MYH7: variants seen among roughly 807,000 people sequenced by gnomAD.
MYH7 encodes the protein myosin heavy chain 7.
MYH7 carries 129 observed loss-of-function variants against 225.4 expected under a neutral mutation model. That is an observed-to-expected ratio of 0.57 (90% CI 0.50 to 0.66). MYH7 has a LOEUF of 0.66. Ranked by LOEUF, MYH7 falls within the 30% of genes least tolerant of loss-of-function variation. The pLI, the probability that MYH7 is intolerant of heterozygous loss-of-function variation, is 0.00. For missense variants in MYH7, 1,649 were observed against 2,517.0 expected (o/e 0.66, Z 7.38); for synonymous variants, 971 against 1,007.6 (o/e 0.96, Z 0.69).
rs776423914 is a variant in MYH7 at position 23,427,231 on chromosome 14, C to T, written c.1956+9G>A. On this transcript the variant is annotated intron_variant, in intron 17 of 39. Coordinates refer to ENST00000355349, the MANE Select transcript of MYH7 (RefSeq NM_000257.4). ...GGAGCCAAGTTGGCTGGGGCTGTGT[C>T]CCACTCACCCTGTGCAGAGCTGACA... is the stretch of plus-strand genomic sequence containing the variant. 1 of 1,613,350 alleles carries T rather than the reference C, an allele frequency of 6.2e-7. No individual in the cohort carries two copies. The highest frequency in any genetic ancestry group is 2.2e-5 in the East Asian group (1 of 44,862).
chr14:23,428,023 TAC>T (rs1892765273), intron 15 of MYH7, 129 bp from the exon 16 acceptor site: 4 of 1,148,026 alleles, frequency 3.5e-6, no homozygotes, highest in Non-Finnish European at 5.0e-6. Flanking sequence ...CAGCTCTGAG[TAC>T]AGTTATCTAC....
At chr14:23,423,509 A>G (rs1254526832) in intron 24 of MYH7, 38 bp downstream of exon 24, 1 of 1,608,620 alleles carries the variant, frequency 6.2e-7, no homozygotes, top group South Asian at 1.1e-5. Context: ...ACAGATAGAC[A>G]TGGCATATCT....
chr14:23,418,954 C>G (rs1223809965), intron 29 of MYH7, among the ~76,000 whole-genome samples: 1 of 152,188 alleles, frequency 6.6e-6, no homozygotes, highest in Non-Finnish European at 1.5e-5. Context: ...TTTCTCTCCT[C>G]CTTCTCACAC....
At position 23,428,709 on chromosome 14, in the gene MYH7, G is replaced by T. The variant is rs905876234; in HGVS notation, c.1408-39C>A. On this transcript the variant is annotated intron_variant, in intron 14 of 39. Coordinates refer to ENST00000355349, the MANE Select transcript of MYH7 (RefSeq NM_000257.4). ...GAGGGGTGGGAGCAGTCAGAAAGTG[G>T]GTGTGAGTGGCCATTGGGGCTGTGC... 3 of 1,613,250 alleles carry T rather than the reference G, an allele frequency of 1.9e-6. No individual in the cohort carries two copies. The African/African-American group carries it at 4.0e-5, about 22-fold the overall frequency.
At chr14:23,434,580 G>T (rs1211663832) in intron 1 of MYH7, among the ~76,000 whole-genome samples, 2 of 152,040 alleles carry the variant, frequency 1.3e-5, no homozygotes, top group African/African-American at 4.8e-5. Context: ...CATTTGTTCG[G>T]CACTTTCCAG....
At position 23,417,886 on chromosome 14, in the gene MYH7, T is replaced by C; in HGVS notation, c.4170-200A>G. 2 of 901,628 alleles carry C rather than the reference T, an allele frequency of 2.2e-6. 1 individual carries two copies. The highest frequency in any genetic ancestry group is 3.7e-6 in the Non-Finnish European group (2 of 540,344). 55.9% of individuals were successfully genotyped at this position (901,628 alleles called of 1,614,324 possible). On this transcript the variant is annotated intron_variant, in intron 30 of 39. Transcript: ENST00000355349. Reference sequence around the variant, plus strand: ...TGGAGACCCAGGCACCCTCTGACCCTGGCCCAGCCTCTGCGCTATGGACAT... The same window carrying C: ...TGGAGACCCAGGCACCCTCTGACCCCGGCCCAGCCTCTGCGCTATGGACAT...
chr14:23,426,157 A>C, intron 18 of MYH7, 76 bp from the exon 19 acceptor site: 2 of 1,507,850 alleles, frequency 1.3e-6, no homozygotes, highest in Non-Finnish European at 1.8e-6. Context: ...TGGCTTTGTC[A>C]CTGATTAGCT....
intron 14 of MYH7, 129 bp from the exon 15 acceptor site, chr14:23,428,799 G>A (rs1205514096): frequency 1.3e-6 from 2 of 1,575,992 alleles, no homozygotes; most frequent in African/African-American, 2.7e-5. Context: ...CAGTGAAGGA[G>A]GGCTTCCCCT....
At chr14:23,413,717 C>G in intron 39 of MYH7, 42 bp downstream of exon 39, 1 of 1,612,568 alleles carries the variant, frequency 6.2e-7, no homozygotes, top group Non-Finnish European at 8.5e-7. Context: ...CTGGGTATGC[C>G]TGCTGTGGGG....
Position 23,417,071 on chromosome 14 carries a change from C to T in MYH7, c.4520-79G>A, listed in dbSNP as rs147064810. On this transcript the variant is annotated intron_variant, in intron 32 of 39. Coordinates refer to ENST00000355349, the MANE Select transcript of MYH7 (RefSeq NM_000257.4). Reference sequence around the variant, plus strand: ...GGAGGGACACGCCTCTTTGCCCAGACGCCTCTTGGAGCCCTTGGGTGGCAC... The same window carrying T: ...GGAGGGACACGCCTCTTTGCCCAGATGCCTCTTGGAGCCCTTGGGTGGCAC... The T allele has an allele frequency of 5.8e-4, 938 of 1,614,058 alleles. 2 individuals are homozygous for T. The African/African-American group carries it at 9.3e-3, about 16-fold the overall frequency.
Position 23,433,165 on chromosome 14 carries a change from C to T in MYH7, c.264G>A (p.Glu88=), listed in dbSNP as rs781757817. The change falls in exon 4 of 40, where the codon GAG becomes GAA. Residue 88 remains glutamate (E), a synonymous_variant. Coordinates refer to ENST00000355349, the MANE Select transcript of MYH7 (RefSeq NM_000257.4). This position sits in a 1 kb window ranked among gnomAD's most constrained non-coding sequence, Gnocchi z 4.1. ...QQNPPKFDKI[E]DMAMLTFLHE... ...GCAGGAAGGTCAGCATGGCCATGTC[C>T]TCGATTTTGTCGAACTTGGGTGGGT... 1.9e-6 allele frequency: 3 copies of T among 1,614,142 alleles called. No individual in the cohort carries two copies. In the Admixed American group the frequency reaches 5.0e-5, roughly 27 times the overall value.
At chr14:23,424,256 T>C in intron 22 of MYH7, 107 bp from the exon 23 acceptor site, 1 of 1,436,058 alleles carries the variant, frequency 7.0e-7, no homozygotes, top group Non-Finnish European at 9.5e-7. Flanking sequence ...AACTCTAGGA[T>C]ATCCCCACTT....
chr14:23,423,672 G>T lies in MYH7; in HGVS notation c.2974C>A (p.Leu992Met), dbSNP rs149840927. 1.9e-6 allele frequency: 3 copies of T among 1,614,070 alleles called. No individual in the cohort carries two copies. The highest frequency in any genetic ancestry group is 2.5e-6 in the Non-Finnish European group (3 of 1,180,010). The change falls in exon 24 of 40, where the codon CTG (leucine) becomes ATG (methionine). Residue 992 changes from leucine to methionine, a missense_variant. By Grantham distance (15) the Leu-to-Met change is conservative. This residue lies in a region of MYH7 where 282 missense variants were observed against 315.3 expected (regional missense o/e 0.89). Transcript: ENST00000355349. The stretch of plus-strand genomic sequence containing the variant: ...TGCAGAGCTTTCTTCTCCTTGGTCA[G>T]CTTGGCAATGATCTCATCCAGCCCA... Reference protein sequence around the residue: ...MAGLDEIIAKLTKEKKALQEA... With the variant: ...MAGLDEIIAKMTKEKKALQEA...
In MYH7 at chr14:23,415,157, T is replaced by C. The variant is rs200374977; in HGVS notation, c.5397A>G (p.Glu1799=). ...CGCCCTTGAGGGCGATCTGCTCGGC[T>C]TCGTCCAGCCGGTGCTGCAGGTCCT... ...TIKDLQHRLD[E]AEQIALKGGK... Residue 1799 remains glutamate, a synonymous_variant, in exon 37 of 40, where the codon GAA becomes GAG. Transcript: ENST00000355349. This position sits in a 1 kb window ranked among gnomAD's most constrained non-coding sequence, Gnocchi z 6.3. 107 of 1,614,084 alleles carry C rather than the reference T, an allele frequency of 6.6e-5. No homozygotes were observed. The highest frequency in any genetic ancestry group is 1.9e-4 in the South Asian group (17 of 91,088).
intron 32 of MYH7, 75 bp from the exon 33 acceptor site, chr14:23,417,067 C>G (rs1231823975): frequency 1.9e-6 from 3 of 1,613,950 alleles, no homozygotes; most frequent in African/African-American, 2.7e-5. Context: ...CCTCTTTGCC[C>G]AGACGCCTCT....
chr14:23,431,333 G>C, intron 9 of MYH7, 85 bp downstream of exon 9: 1 of 1,326,142 alleles, frequency 7.5e-7, no homozygotes, highest in Non-Finnish European at 1.1e-6. Flanking sequence ...ACAGAGGGAG[G>C]GAGGGGAGAG....
chr14:23,421,637 C>T (rs1892476843), intron 25 of MYH7: 1 of 566,950 alleles, frequency 1.8e-6, no homozygotes. Flanking sequence ...ATAAGACCTT[C>T]AATTATCAAA....
Position 23,425,601 on chromosome 14 carries a change from G to A in MYH7, c.2286+94C>T. ...ACTGGGAGGGGTAGCATACAGGTAA[G>A]AGATTTTGCTAAGATGATTACAACA... On this transcript the variant is annotated intron_variant, in intron 20 of 39. Coordinates refer to ENST00000355349, the MANE Select transcript of MYH7 (RefSeq NM_000257.4). This position sits in a 1 kb window ranked among gnomAD's most constrained non-coding sequence, Gnocchi z 4.6. The A allele has an allele frequency of 1.2e-6, 2 of 1,604,066 alleles. No individual in the cohort carries two copies. Among genetic ancestry groups the A allele is most frequent in the African/African-American group, 1.3e-5 (1 of 74,914 alleles).
chr14:23,414,876 G>A, intron 37 of MYH7, 119 bp downstream of exon 37: 1 of 1,543,044 alleles, frequency 6.5e-7, no homozygotes, highest in Non-Finnish European at 8.8e-7. Context: ...AAGTGAAACG[G>A]GGGCTGCATT....
Sources: allele counts gnomAD v4.1 joint callset (sites outside exome capture counted in the v4.1 genomes callset), GRCh38; gene constraint gnomAD v4.1.1; regional missense constraint gnomAD v4.1.1; non-coding constraint Gnocchi (gnomAD v3.1); transcripts MANE v1.5; gene names NCBI Gene and HGNC (gene_info 2026-07-23, HGNC 2026-07-21).